The following PHF24 variants were observed in gnomAD, a reference collection of about 807,000 sequenced individuals.
PHF24 encodes the protein PHD finger protein 24.
A neutral mutation model predicts 42.6 loss-of-function variants in PHF24; 25 were observed. That is an observed-to-expected ratio of 0.59 (90% CI 0.43 to 0.82). The LOEUF (loss-of-function observed/expected upper bound fraction) is 0.82, where lower values mean the gene tolerates loss of function less well. Among genes scored for constraint, PHF24 ranks in the 40% least tolerant of loss-of-function variants. The pLI, the probability that PHF24 is intolerant of heterozygous loss-of-function variation, is 0.00. For synonymous variants in PHF24, 185 were observed against 204.8 expected, an observed-to-expected ratio of 0.90 and a Z score of 0.83; for missense variants, 470 against 538.1, an observed-to-expected ratio of 0.87 and a Z score of 1.25.
At chr9:34,720,452 A>G in the PHF24 span, among the ~76,000 whole-genome samples, 293 of 110,402 alleles carry the variant, frequency 2.7e-3, 3 homozygotes, top group South Asian at 5.0e-3. Flanking sequence ...ACTCCGTCTC[A>G]AAAAAAAAAC....
At chr9:34,823,448 T>C in the PHF24 span, among the ~76,000 whole-genome samples, 1 of 152,124 alleles carries the variant, frequency 6.6e-6, no homozygotes, top group Non-Finnish European at 1.5e-5. Context: ...TGTCAGATGG[T>C]GTCCACAGCA....
the PHF24 span, among the ~76,000 whole-genome samples, chr9:34,907,609 C>T: frequency 6.6e-6 from 1 of 152,150 alleles, no homozygotes; most frequent in Admixed American, 6.5e-5. Flanking sequence ...ACAGATACTC[C>T]TTTCCTGTAA....
the PHF24 span, chr9:34,729,256 A>C: frequency 6.5e-7 from 1 of 1,545,462 alleles, no homozygotes; most frequent in African/African-American, 1.4e-5. Flanking sequence ...CTGAGGCTTA[A>C]TTAGTTCAGT....
chr9:34,832,442 A>G, the PHF24 span: 138 of 1,438,344 alleles, frequency 9.6e-5, 1 homozygote, highest in African/African-American at 3.6e-4. Context: ...CATCCAAGAA[A>G]GCTGGGCCCA....
chr9:34,925,558 C>A, the PHF24 span, among the ~76,000 whole-genome samples: 1 of 151,918 alleles, frequency 6.6e-6, no homozygotes, highest in Non-Finnish European at 1.5e-5. Context: ...TTGGTCTAGT[C>A]TATTATTGAA....
the PHF24 span, chr9:34,681,054 A>C: frequency 1.3e-5 from 2 of 152,356 alleles, no homozygotes; most frequent in South Asian, 4.1e-4. Flanking sequence ...TGTGGACAAA[A>C]ACATTTAAGC....
chr9:34,711,542 CT>C, the PHF24 span, among the ~76,000 whole-genome samples: 233 of 130,722 alleles, frequency 1.8e-3, 1 homozygote, highest in Middle Eastern at 0.018. Flanking sequence ...AATGTTGTTA[CT>C]TTTTTTTTTT....
At chr9:34,875,940 ACACACACACACTCTCTCTCT>A in the PHF24 span, among the ~76,000 whole-genome samples, 5 of 89,342 alleles carry the variant, frequency 5.6e-5, no homozygotes, top group African/African-American at 2.3e-4. Context: ...ACACACACAC[ACACACACACACTCTCTCTCT>A]CTCTCTCTCT....
chr9:34,937,751 G>C, the PHF24 span, among the ~76,000 whole-genome samples: 1 of 152,190 alleles, frequency 6.6e-6, no homozygotes, highest in East Asian at 1.9e-4. Context: ...CAAGGGCCAG[G>C]AAGGGAAGAA....
At chr9:34,825,777 A>G in the PHF24 span, among the ~76,000 whole-genome samples, 1 of 152,094 alleles carries the variant, frequency 6.6e-6, no homozygotes, top group Non-Finnish European at 1.5e-5. Context: ...TTTTGCCATT[A>G]TGGCAAAACC....
upstream of PHF24, among the ~76,000 whole-genome samples, chr9:34,954,093 T>G (rs1186383000): frequency 1.3e-5 from 2 of 152,142 alleles, no homozygotes; most frequent in Non-Finnish European, 2.9e-5. Flanking sequence ...GAGGATAGCA[T>G]GAGCCCAGGA....
At chr9:34,683,034 A>T in the PHF24 span, among the ~76,000 whole-genome samples, 2 of 150,368 alleles carry the variant, frequency 1.3e-5, no homozygotes, top group African/African-American at 4.9e-5. Context: ...TGTCTTCCTT[A>T]CCTTGAAAAA....
At chr9:34,837,266 G>T in the PHF24 span, 2 of 378,098 alleles carry the variant, frequency 5.3e-6, no homozygotes, top group East Asian at 1.4e-4. Flanking sequence ...GCCTTTCTGT[G>T]CACAGTGTAA....
intron 6 of PHF24, 76 bp downstream of exon 6, chr9:34,977,319 TC>T (rs1298993938): frequency 4.7e-6 from 7 of 1,490,342 alleles, no homozygotes; most frequent in Non-Finnish European, 5.4e-6. Flanking sequence ...CTTCCATACC[TC>T]CCTGCTCCCC....
intron 1 of PHF24, among the ~76,000 whole-genome samples, chr9:34,959,137 C>T (rs1826501062): frequency 6.6e-6 from 1 of 152,204 alleles, no homozygotes; most frequent in Non-Finnish European, 1.5e-5. Context: ...GGGCCCTAAG[C>T]CGAGGATGAG....
the PHF24 span, among the ~76,000 whole-genome samples, chr9:34,767,120 T>A: frequency 6.6e-6 from 1 of 151,960 alleles, no homozygotes; most frequent in Non-Finnish European, 1.5e-5. Context: ...TACTGGGGGG[T>A]GTCTCCCAGT....
chr9:34,759,995 G>A, the PHF24 span, among the ~76,000 whole-genome samples: 5 of 152,134 alleles, frequency 3.3e-5, no homozygotes, highest in Admixed American at 2.6e-4. Flanking sequence ...GAACAAGGGC[G>A]CATTCATGTA....
chr9:34,976,507 C>CA (rs1827190303), intron 4 of PHF24, 28 bp from the exon 5 acceptor site: 2 of 1,596,120 alleles, frequency 1.3e-6, no homozygotes, highest in South Asian at 2.2e-5. Flanking sequence ...GAAGGATGGG[C>CA]ATGGCTAGCA....
the PHF24 span, among the ~76,000 whole-genome samples, chr9:34,763,292 A>G: frequency 2.0e-5 from 3 of 152,228 alleles, no homozygotes; most frequent in Non-Finnish European, 4.4e-5. Flanking sequence ...CTTGGGAAGT[A>G]TGGCCATTTT....
Sources: allele counts gnomAD v4.1 joint callset (sites outside exome capture counted in the v4.1 genomes callset), GRCh38; gene constraint gnomAD v4.1.1; transcripts MANE v1.5; gene names NCBI Gene and HGNC (gene_info 2026-07-23, HGNC 2026-07-21).